ZFHX3: variants seen among roughly 807,000 people sequenced by gnomAD.
The protein encoded by ZFHX3 is zinc finger homeobox 3, also known as zinc finger homeobox protein 3.
Under a neutral mutation model 279.1 loss-of-function variants are expected in ZFHX3, and 42 were observed. The ratio of observed to expected loss-of-function variants is 0.15; its 90% CI spans 0.12 to 0.19. ZFHX3 has a LOEUF of 0.19. Ranked by LOEUF, ZFHX3 falls within the 10% of genes least tolerant of loss-of-function variation. The pLI is 1.00. For missense variants in ZFHX3, 4,981 were observed against 4,754.0 expected, an observed-to-expected ratio of 1.05 and a Z score of -1.40; for synonymous variants, 2,293 against 1,957.8, an observed-to-expected ratio of 1.17 and a Z score of -4.52.
At chr16:73,792,589 T>A (rs533529428) in intron 1 of ZFHX3, among the ~76,000 whole-genome samples, 1 of 152,322 alleles carries the variant, frequency 6.6e-6, no homozygotes, top group Admixed American at 6.5e-5. Flanking sequence ...TGTAAGTAGC[T>A]ACCTAGGATA....
chr16:73,153,647 T>A (rs1185440686), intron 5 of ZFHX3, among the ~76,000 whole-genome samples: 2 of 152,072 alleles, frequency 1.3e-5, no homozygotes, highest in African/African-American at 4.8e-5. Flanking sequence ...AAGCACTCTT[T>A]TTTTATTTTA....
intron 9 of ZFHX3, chr16:72,789,823 A>G (rs1481649756): frequency 2.6e-5 from 4 of 152,236 alleles, no homozygotes; most frequent in African/African-American, 7.2e-5. Flanking sequence ...CCCTGTTTGA[A>G]TGATACACAG....
At chr16:73,728,014 T>TTCC (rs2053534162) in intron 1 of ZFHX3, among the ~76,000 whole-genome samples, 3 of 25,268 alleles carry the variant, frequency 1.2e-4, no homozygotes, top group East Asian at 1.4e-3. Context: ...AGCCGAATTG[T>TTCC]GCCCCCCCCC....
intron 3 of ZFHX3, among the ~76,000 whole-genome samples, chr16:73,443,304 C>T (rs753386951): frequency 2.0e-4 from 30 of 152,162 alleles, no homozygotes; most frequent in East Asian, 3.8e-4. Context: ...ATGGAAGTTA[C>T]GGAGATGTGT....
chr16:72,936,857 G>T (rs1446619700), intron 3 of ZFHX3, among the ~76,000 whole-genome samples: 1 of 152,162 alleles, frequency 6.6e-6, no homozygotes, highest in East Asian at 1.9e-4. Context: ...ATTGTAAAGG[G>T]CAAGAGTAGA....
Position 73,111,006 on chromosome 16 carries a change from T to C in ZFHX3, c.-896-17408A>G, listed in dbSNP as rs1045612364. 8.5e-5 allele frequency among the ~76,000 whole-genome samples: 13 copies of C among 152,292 alleles called. 1 individual carries two copies. Among genetic ancestry groups the C allele is most frequent in the Admixed American group, 2.6e-4 (4 of 15,306 alleles). On this transcript the variant is annotated intron_variant, in intron 7 of 17. Transcript: ENST00000641206. The stretch of plus-strand genomic sequence containing the variant: ...CCCAGGCCAGAGTACAGTGGCATGA[T>C]CTCGGCTCACTGCAACCTCCGGCTC...
intron 1 of ZFHX3, among the ~76,000 whole-genome samples, chr16:73,727,057 C>T (rs1163938273): frequency 6.6e-6 from 1 of 152,188 alleles, no homozygotes. Context: ...TGTGAGAATA[C>T]AGGCCATCCA....
Position 73,423,726 on chromosome 16 carries a change from G to C in ZFHX3, c.-1291+32277C>G, listed in dbSNP as rs561543614. ...AGAATACAAAACTTAGCCAGGCGCA[G>C]TGGTGCACACCTGTAATTCCAGCTA... On this transcript the variant is annotated intron_variant, in intron 3 of 17. Transcript: ENST00000641206. 2.0e-5 allele frequency among the ~76,000 whole-genome samples: 3 copies of C among 152,216 alleles called. No individual in the cohort carries two copies. The South Asian group carries it at 6.2e-4, about 32-fold the overall frequency.
chr16:73,317,043 G>A (rs1215555094), intron 4 of ZFHX3, among the ~76,000 whole-genome samples: 1 of 152,156 alleles, frequency 6.6e-6, no homozygotes, highest in Admixed American at 6.5e-5. Flanking sequence ...AAACACAGGA[G>A]ACGTGAGATG....
intron 3 of ZFHX3, among the ~76,000 whole-genome samples, chr16:73,430,167 G>A (rs1293219864): frequency 6.6e-6 from 1 of 152,132 alleles, no homozygotes; most frequent in Admixed American, 6.5e-5. Flanking sequence ...TGGGATTACA[G>A]GCACGGGTCA....
At chr16:73,297,513 A>G (rs2014945116) in intron 4 of ZFHX3, among the ~76,000 whole-genome samples, 1 of 152,068 alleles carries the variant, frequency 6.6e-6, no homozygotes, top group African/African-American at 2.4e-5. Context: ...ATGCAGCTTG[A>G]GTAGGTAGAC....
chr16:73,282,928 T>C (rs2014493800), intron 4 of ZFHX3, among the ~76,000 whole-genome samples: 1 of 152,262 alleles, frequency 6.6e-6, no homozygotes. Flanking sequence ...GCATCTATTA[T>C]GTGTCAGGCA....
At chr16:73,269,593 T>C (rs1453943879) in intron 4 of ZFHX3, among the ~76,000 whole-genome samples, 1 of 152,216 alleles carries the variant, frequency 6.6e-6, no homozygotes. Context: ...CAACTTTTAG[T>C]TATTATTAAT....
chr16:73,104,842 C>A (rs1966276259), intron 7 of ZFHX3, among the ~76,000 whole-genome samples: 1 of 152,142 alleles, frequency 6.6e-6, no homozygotes, highest in African/African-American at 2.4e-5. Context: ...CCCCCATGTG[C>A]TCCTATAGCA....
At chr16:73,296,999 T>C (rs1360733277) in intron 4 of ZFHX3, among the ~76,000 whole-genome samples, 1 of 150,236 alleles carries the variant, frequency 6.7e-6, no homozygotes, top group African/African-American at 2.5e-5. Flanking sequence ...TGCCTCAGCC[T>C]CCCTAGTAGC....
At chr16:73,695,995 TAA>T (rs1317162980) in intron 1 of ZFHX3, among the ~76,000 whole-genome samples, 1 of 152,218 alleles carries the variant, frequency 6.6e-6, no homozygotes, top group Non-Finnish European at 1.5e-5. Context: ...GTCCTGACTA[TAA>T]TTTGGGTTCT....
intron 5 of ZFHX3, among the ~76,000 whole-genome samples, chr16:73,155,436 C>A (rs961309577): frequency 1.3e-5 from 2 of 152,102 alleles, no homozygotes; most frequent in African/African-American, 4.8e-5. Flanking sequence ...TGCCCCAATC[C>A]CTCAGCTTTC....
intron 4 of ZFHX3, among the ~76,000 whole-genome samples, chr16:72,830,356 T>C (rs948669634): frequency 1.3e-5 from 2 of 152,138 alleles, no homozygotes; most frequent in African/African-American, 4.8e-5. Flanking sequence ...TGCCAGAGTG[T>C]GTGGGAATTG....
chr16:73,474,383 A>C (rs539773665), intron 2 of ZFHX3, among the ~76,000 whole-genome samples: 1 of 152,200 alleles, frequency 6.6e-6, no homozygotes, highest in Non-Finnish European at 1.5e-5. Flanking sequence ...TCCTGACCTC[A>C]GGTGATCCAC....
Sources: allele counts gnomAD v4.1 joint callset (sites outside exome capture counted in the v4.1 genomes callset), GRCh38; gene constraint gnomAD v4.1.1; transcripts MANE v1.5; gene names NCBI Gene and HGNC (gene_info 2026-07-23, HGNC 2026-07-21).